Variants in JAZF1 observed in about 807,000 individuals in gnomAD.
JAZF1 encodes the protein juxtaposed with another zinc finger protein 1.
JAZF1 carries 8 observed loss-of-function variants against 26.4 expected under a neutral mutation model. That is an observed-to-expected ratio of 0.30 (90% confidence interval 0.18 to 0.55). The LOEUF (loss-of-function observed/expected upper bound fraction) is 0.55. JAZF1 is among the 20% of genes least tolerant of loss of function. The pLI is 0.94. For missense variants in JAZF1, 199 were observed against 322.0 expected (o/e 0.62, Z 2.92); for synonymous variants, 126 against 122.3 (o/e 1.03, Z -0.20).
intron 1 of JAZF1, among the ~76,000 whole-genome samples, chr7:28,096,793 G>C (rs1054822851): frequency 3.9e-5 from 6 of 152,138 alleles, no homozygotes; most frequent in African/African-American, 1.4e-4. Flanking sequence ...GTGGGAAGCT[G>C]ACTGCAAATG....
chr7:28,133,308 G>A (rs1782826387), intron 1 of JAZF1, among the ~76,000 whole-genome samples: 1 of 152,104 alleles, frequency 6.6e-6, no homozygotes. Context: ...GAGGAAGAAA[G>A]GTAAAATTAA....
At chr7:27,907,726 T>C (rs1324035499) in intron 2 of JAZF1, among the ~76,000 whole-genome samples, 2 of 152,170 alleles carry the variant, frequency 1.3e-5, no homozygotes, top group Non-Finnish European at 2.9e-5. Context: ...TGGTAGAAGA[T>C]TCTCAATGTG....
rs190224852 is a variant in JAZF1, at chr7:28,168,275, G to A, written c.115+12188C>T. On this transcript the variant is annotated intron_variant, in intron 1 of 4. Transcript: ENST00000283928. ...CAGGCGCCTGTAGTCCCAGCTACTC[G>A]GGAGGCTGAGACAGGAGAATGGTGT... 3.7e-3 allele frequency among the ~76,000 whole-genome samples: 562 copies of A among 151,746 alleles called. 1 individual carries two copies. The highest frequency in any genetic ancestry group is 0.01 in the Middle Eastern group (3 of 292).
chr7:28,161,124 G>A (rs1193920590), intron 1 of JAZF1, among the ~76,000 whole-genome samples: 1 of 151,968 alleles, frequency 6.6e-6, no homozygotes, highest in Non-Finnish European at 1.5e-5. Context: ...CCCCATAGAT[G>A]AATTAATTCA....
intron 1 of JAZF1, among the ~76,000 whole-genome samples, chr7:28,035,448 A>G (rs1422940445): frequency 6.6e-6 from 1 of 151,822 alleles, no homozygotes; most frequent in Non-Finnish European, 1.5e-5. Context: ...GAGAAACTTA[A>G]GAAATCTAAA....
At chr7:27,906,284 G>A (rs117071074) in intron 2 of JAZF1, among the ~76,000 whole-genome samples, 3 of 152,260 alleles carry the variant, frequency 2.0e-5, no homozygotes, top group Non-Finnish European at 2.9e-5. Flanking sequence ...CATGCCCCAG[G>A]CAGACACTGC....
chr7:28,081,837 T>G (rs954714395), intron 1 of JAZF1, among the ~76,000 whole-genome samples: 7 of 152,214 alleles, frequency 4.6e-5, no homozygotes. Flanking sequence ...ATTCACATAT[T>G]ATGCCATTTT....
chr7:28,173,967 T>C (rs1783511898), intron 1 of JAZF1, among the ~76,000 whole-genome samples: 2 of 151,784 alleles, frequency 1.3e-5, no homozygotes, highest in South Asian at 4.2e-4. Context: ...CAATTTTCTT[T>C]ACAGCAATTA....
At position 28,050,888 on chromosome 7, in the gene JAZF1, C is replaced by T. The variant is rs1783600943; in HGVS notation, c.116-58907G>A. On this transcript the variant is annotated intron_variant, in intron 1 of 4. Coordinates refer to ENST00000283928, the MANE Select transcript of JAZF1 (RefSeq NM_175061.4). ...GTGGCTCATGCCTGTAATCCCAGCA[C>T]TTTGGGAGGCCGAGGCGGGCGGATC... 2.0e-5 allele frequency among the ~76,000 whole-genome samples: 3 copies of T among 152,132 alleles called. No homozygotes were observed. In the South Asian group the frequency reaches 6.2e-4, roughly 32 times the overall value.
chr7:27,884,689 C>T (rs944861625), intron 3 of JAZF1, among the ~76,000 whole-genome samples: 1 of 152,204 alleles, frequency 6.6e-6, no homozygotes, highest in Non-Finnish European at 1.5e-5. Context: ...TGTATCAGTA[C>T]TTTCTTTTTA....
chr7:28,048,093 G>A (rs34774784), intron 1 of JAZF1, among the ~76,000 whole-genome samples: 81,229 of 151,968 alleles, frequency 0.53, 23,547 homozygotes, highest in Non-Finnish European at 0.66. Flanking sequence ...TAGAATGAAC[G>A]GTGCATGGAT....
At chr7:28,152,980 C>T (rs112724641) in intron 1 of JAZF1, among the ~76,000 whole-genome samples, 5 of 152,052 alleles carry the variant, frequency 3.3e-5, no homozygotes, top group South Asian at 2.1e-4. Context: ...TTCACAAAGC[C>T]GTATTATATA....
chr7:27,915,311 T>G (rs1339714709), intron 2 of JAZF1, among the ~76,000 whole-genome samples: 1 of 152,200 alleles, frequency 6.6e-6, no homozygotes, highest in Non-Finnish European at 1.5e-5. Flanking sequence ...GTAATTATAA[T>G]TTGCAAAATT....
intron 2 of JAZF1, among the ~76,000 whole-genome samples, chr7:27,908,463 T>G (rs1048649400): frequency 1.3e-5 from 2 of 152,174 alleles, no homozygotes; most frequent in African/African-American, 4.8e-5. Context: ...CAAAGTGATT[T>G]TTTGCCTTTT....
intron 2 of JAZF1, among the ~76,000 whole-genome samples, chr7:27,976,498 G>T (rs79277566): frequency 0.034 from 5,126 of 152,106 alleles, 311 homozygotes; most frequent in African/African-American, 0.12. Flanking sequence ...CTAAGAAAAC[G>T]GTAGCACGAT....
intron 3 of JAZF1, among the ~76,000 whole-genome samples, chr7:27,854,554 G>T (rs1223069359): frequency 6.6e-6 from 1 of 152,164 alleles, no homozygotes; most frequent in African/African-American, 2.4e-5. Context: ...GCTCTTGTAA[G>T]GCAGGCCTGG....
chr7:27,978,312 A>G (rs909048372), intron 2 of JAZF1, among the ~76,000 whole-genome samples: 4 of 152,186 alleles, frequency 2.6e-5, no homozygotes, highest in African/African-American at 9.7e-5. Flanking sequence ...ACATTGTTCT[A>G]CTTCTCAAAG....
chr7:28,149,071 G>A (rs1234638493), intron 1 of JAZF1, among the ~76,000 whole-genome samples: 2 of 152,170 alleles, frequency 1.3e-5, no homozygotes, highest in African/African-American at 2.4e-5. Context: ...TTTGTCTCCT[G>A]GCATTACGTG....
chr7:27,949,214 T>A (rs774912726), intron 2 of JAZF1, among the ~76,000 whole-genome samples: 1 of 152,162 alleles, frequency 6.6e-6, no homozygotes, highest in Non-Finnish European at 1.5e-5. Context: ...GAGAAAGGGA[T>A]GAGCTGAGAA....
Sources: allele counts gnomAD v4.1 joint callset (sites outside exome capture counted in the v4.1 genomes callset), GRCh38; gene constraint gnomAD v4.1.1; transcripts MANE v1.5; gene names NCBI Gene and HGNC (gene_info 2026-07-23, HGNC 2026-07-21).